CCDC15: variants seen among roughly 807,000 people sequenced by gnomAD.
CCDC15 encodes coiled-coil domain containing 15, also known as coiled-coil domain-containing protein 15.
In CCDC15, 105 loss-of-function variants were observed where a neutral mutation model predicts 114.5. That is an observed-to-expected ratio of 0.92 (90% confidence interval 0.78 to 1.08). The LOEUF (loss-of-function observed/expected upper bound fraction) is 1.08, where lower values mean the gene tolerates loss of function less well. Ranked by LOEUF, CCDC15 falls within the 50% of genes least tolerant of loss-of-function variation. CCDC15 has a pLI of 0.00. For synonymous variants in CCDC15, 334 were observed against 377.8 expected (o/e 0.88, Z 1.34); for missense variants, 1,105 against 1,093.6 (o/e 1.01, Z -0.15).
In CCDC15 at chr11:124,987,217, G is replaced by T; in HGVS notation, c.991G>T (p.Glu331Ter). Residue 331 changes from glutamate to a stop codon, truncating the protein, a stop_gained, in exon 8 of 16, where the codon GAA becomes TAA. Transcript: ENST00000344762. LOFTEE classifies it high-confidence loss of function. ...TGAGGGCCTTCAGGATATTCTGCCA[G>T]AAGCCCAGGATTATTTTCTAGAAGC... ...HFEGLQDILP[E>*]AQDYFLEAQG... 6.5e-7 allele frequency: 1 copy of T among 1,541,776 alleles called. No homozygotes were observed. Among genetic ancestry groups the T allele is most frequent in the South Asian group, 1.3e-5 (1 of 76,738 alleles).
rs1228442486 is a variant in CCDC15, at chr11:125,025,055, AAT to A, written c.2412-13367_2412-13366del. 1.7e-4 allele frequency among the ~76,000 whole-genome samples: 21 copies of A among 123,486 alleles called. 1 individual carries two copies. Among genetic ancestry groups the A allele is most frequent in the African/African-American group, 5.3e-4 (15 of 28,188 alleles). 81.0% of individuals were successfully genotyped at this position (123,486 alleles called of 152,430 possible). A position where few individuals can be genotyped will look rare whatever the true frequency, so the allele number is the denominator to read the frequency against. On this transcript the variant is annotated intron_variant, in intron 13 of 15. Transcript: ENST00000344762. ...ATATGAATACATATGAATATATATG[AAT>A]ATATATATGAATATATGAATATATA... is the stretch of plus-strand genomic sequence containing the variant.
chr11:124,967,237 A>G (rs959160529), intron 4 of CCDC15, among the ~76,000 whole-genome samples: 4 of 152,204 alleles, frequency 2.6e-5, no homozygotes, highest in African/African-American at 9.7e-5. Context: ...CTGTTTTCCA[A>G]CTTGGTTCCA....
At chr11:125,004,387 G>A (rs566674279) in intron 12 of CCDC15, among the ~76,000 whole-genome samples, 1 of 151,880 alleles carries the variant, frequency 6.6e-6, no homozygotes, top group Admixed American at 6.6e-5. Context: ...TACCAAATCA[G>A]TATCTGAAAA....
chr11:124,989,098 G>T (rs117173032), intron 8 of CCDC15, among the ~76,000 whole-genome samples: 1 of 152,260 alleles, frequency 6.6e-6, no homozygotes, highest in Admixed American at 6.5e-5. Flanking sequence ...ATTGCTGTCC[G>T]TGACAGAAAT....
chr11:124,965,041 G>A (rs1947748293), intron 4 of CCDC15, among the ~76,000 whole-genome samples: 1 of 152,140 alleles, frequency 6.6e-6, no homozygotes, highest in Non-Finnish European at 1.5e-5. Flanking sequence ...GATTCAGTTT[G>A]CCAGTATTTT....
intron 13 of CCDC15, among the ~76,000 whole-genome samples, chr11:125,005,936 T>C (rs1948548549): frequency 6.6e-6 from 1 of 152,214 alleles, no homozygotes; most frequent in African/African-American, 2.4e-5. Flanking sequence ...ATTATCTGAA[T>C]GTATCACAGT....
At chr11:125,006,031 T>G (rs1948549141) in intron 13 of CCDC15, among the ~76,000 whole-genome samples, 1 of 152,232 alleles carries the variant, frequency 6.6e-6, no homozygotes, top group African/African-American at 2.4e-5. Context: ...AAAATCTATG[T>G]ACAAGTTTTT....
intron 12 of CCDC15, 139 bp from the exon 13 acceptor site, chr11:125,004,970 A>AT: frequency 2.1e-6 from 1 of 485,554 alleles, no homozygotes; most frequent in Non-Finnish European, 3.7e-6. Context: ...GAAGGAAATT[A>AT]AAGACTTAAT....
intron 11 of CCDC15, among the ~76,000 whole-genome samples, chr11:124,998,172 G>A (rs1008560617): frequency 5.9e-5 from 9 of 152,198 alleles, no homozygotes; most frequent in Admixed American, 3.3e-4. Flanking sequence ...GCCCCCCAGA[G>A]AGGCTGCCAG....
At chr11:125,016,214 T>C (rs2135533139) in intron 13 of CCDC15, among the ~76,000 whole-genome samples, 1 of 152,174 alleles carries the variant, frequency 6.6e-6, no homozygotes, top group East Asian at 1.9e-4. Context: ...CAAGGACTCC[T>C]GAAATATTTA....
intron 6 of CCDC15, among the ~76,000 whole-genome samples, chr11:124,984,249 G>A (rs970067360): frequency 3.9e-5 from 6 of 152,124 alleles, no homozygotes; most frequent in Non-Finnish European, 5.9e-5. Context: ...ACGCAGTGGG[G>A]GAAGGGCATA....
chr11:125,032,450 T>C (rs1948746308), intron 13 of CCDC15, among the ~76,000 whole-genome samples: 1 of 152,156 alleles, frequency 6.6e-6, no homozygotes, highest in South Asian at 2.1e-4. Flanking sequence ...CACCACTTGG[T>C]TAAGCTTATG....
intron 4 of CCDC15, 133 bp downstream of exon 4, chr11:124,960,136 T>A: frequency 5.5e-5 from 3 of 54,242 alleles, no homozygotes; most frequent in Non-Finnish European, 9.5e-5. Context: ...ATCATCCCCC[T>A]TTTTTTTTTT....
At chr11:124,992,520 G>A (rs1169721402) in intron 9 of CCDC15, 60 bp from the exon 10 acceptor site, 2 of 937,480 alleles carry the variant, frequency 2.1e-6, no homozygotes, top group East Asian at 5.2e-5. Context: ...ATGATATTAT[G>A]ATTAGCATTA....
intron 4 of CCDC15, among the ~76,000 whole-genome samples, chr11:124,964,520 A>G (rs1487054886): frequency 1.3e-5 from 2 of 152,192 alleles, no homozygotes; most frequent in African/African-American, 2.4e-5. Context: ...GAAGTTGCTT[A>G]TGAGCTTAGG....
chr11:125,023,711 C>T (rs897031694), intron 13 of CCDC15, among the ~76,000 whole-genome samples: 3 of 151,930 alleles, frequency 2.0e-5, no homozygotes, highest in African/African-American at 4.8e-5. Context: ...TAAAATGGTA[C>T]AGCCACTTTG....
chr11:124,996,322 A>G lies in CCDC15; in HGVS notation c.2214+3079A>G, dbSNP rs559756666. The stretch of plus-strand genomic sequence containing the variant: ...TATTCTCAACTTTCATACGGAAAAT[A>G]AAAGCTATCACACAATAACTGCCTT... On this transcript the variant is annotated intron_variant, in intron 11 of 15. Coordinates refer to ENST00000344762, the MANE Select transcript of CCDC15 (RefSeq NM_025004.3). Among the ~76,000 whole-genome samples, 232 of 152,320 alleles carry G rather than the reference A, an allele frequency of 1.5e-3. 1 individual carries two copies. Among genetic ancestry groups the G allele is most frequent in the Non-Finnish European group, 2.1e-3 (146 of 68,036 alleles).
intron 13 of CCDC15, among the ~76,000 whole-genome samples, chr11:125,023,144 A>G (rs1310314793): frequency 6.6e-6 from 1 of 151,942 alleles, no homozygotes; most frequent in Non-Finnish European, 1.5e-5. Flanking sequence ...TTTAAGTTTT[A>G]CATTTACTCT....
chr11:125,037,580 C>G (rs1219593907), intron 13 of CCDC15: 1 of 152,264 alleles, frequency 6.6e-6, no homozygotes, highest in Non-Finnish European at 1.5e-5. Flanking sequence ...CTCTTCAATT[C>G]TTAGAGCCCA....
Sources: gnomAD v4.1 joint callset for allele counts (sites outside exome capture counted in the v4.1 genomes callset) on GRCh38, gnomAD v4.1.1 for gene constraint, MANE v1.5 for transcripts, NCBI Gene and HGNC (gene_info 2026-07-23, HGNC 2026-07-21) for gene names.